PARD3: variants seen among roughly 807,000 people sequenced by gnomAD.
PARD3 encodes the protein partitioning defective 3 homolog.
A neutral mutation model predicts 155.4 loss-of-function variants in PARD3; 75 were observed. That is an observed-to-expected ratio of 0.48 (90% confidence interval 0.40 to 0.58). The LOEUF is 0.58. Ranked by LOEUF, PARD3 falls within the 20% of genes least tolerant of loss-of-function variation. The probability of loss-of-function intolerance (pLI) is 0.00; values close to 1 mark genes in which losing one functional copy is unlikely to be tolerated. For synonymous variants in PARD3, 576 were observed against 610.5 expected, an observed-to-expected ratio of 0.94 and a Z score of 0.83; for missense variants, 1,642 against 1,721.7, an observed-to-expected ratio of 0.95 and a Z score of 0.82.
chr10:34,480,634 C>T (rs148208086), intron 3 of PARD3, among the ~76,000 whole-genome samples: 299 of 152,190 alleles, frequency 2.0e-3, no homozygotes, highest in African/African-American at 6.6e-3. Context: ...GACACACACC[C>T]CAACAAAGTA....
At chr10:34,799,110 C>T (rs1842609454) in intron 1 of PARD3, among the ~76,000 whole-genome samples, 1 of 152,184 alleles carries the variant, frequency 6.6e-6, no homozygotes, top group Non-Finnish European at 1.5e-5. Context: ...GGCGCAATCT[C>T]GGCTCACTGC....
At chr10:34,419,346 G>A (rs989716202) in intron 5 of PARD3, among the ~76,000 whole-genome samples, 9 of 151,836 alleles carry the variant, frequency 5.9e-5, no homozygotes, top group Non-Finnish European at 1.2e-4. Flanking sequence ...GTGAAACCCC[G>A]CCTCTACTAA....
At chr10:34,389,447 A>G (rs1293270928) in intron 7 of PARD3, among the ~76,000 whole-genome samples, 1 of 152,192 alleles carries the variant, frequency 6.6e-6, no homozygotes, top group Non-Finnish European at 1.5e-5. Flanking sequence ...CACACATGTT[A>G]ACATTTTCAA....
chr10:34,269,127 T>G (rs1224612410), intron 22 of PARD3, among the ~76,000 whole-genome samples: 2 of 152,192 alleles, frequency 1.3e-5, no homozygotes. Context: ...TGTGCTACAC[T>G]GATATACATA....
At chr10:34,493,496 C>T (rs1356331399) in intron 3 of PARD3, among the ~76,000 whole-genome samples, 2 of 152,098 alleles carry the variant, frequency 1.3e-5, no homozygotes, top group African/African-American at 4.8e-5. Context: ...TTTTGGGAGG[C>T]CACGGCAGGC....
intron 20 of PARD3, among the ~76,000 whole-genome samples, chr10:34,304,866 A>T (rs1304279482): frequency 6.6e-6 from 1 of 152,248 alleles, no homozygotes; most frequent in Non-Finnish European, 1.5e-5. Context: ...TACATGAGAA[A>T]TAGCTTATTG....
chr10:34,722,551 T>C (rs2094625400), intron 1 of PARD3, among the ~76,000 whole-genome samples: 1 of 152,172 alleles, frequency 6.6e-6, no homozygotes, highest in Non-Finnish European at 1.5e-5. Context: ...TCAGGCTTGA[T>C]GTTCAGCACG....
At chr10:34,140,608 T>C (rs1294361285) in intron 22 of PARD3, among the ~76,000 whole-genome samples, 1 of 152,154 alleles carries the variant, frequency 6.6e-6, no homozygotes, top group Non-Finnish European at 1.5e-5. Context: ...CTGGAAGACT[T>C]ATGAGGAATG....
At chr10:34,456,399 C>T (rs1429292969) in intron 4 of PARD3, among the ~76,000 whole-genome samples, 1 of 152,072 alleles carries the variant, frequency 6.6e-6, no homozygotes, top group African/African-American at 2.4e-5. Flanking sequence ...CTGGTTCAAA[C>T]GATTCTCCTG....
chr10:34,382,203 T>A (rs555184918), intron 9 of PARD3, among the ~76,000 whole-genome samples: 10 of 152,164 alleles, frequency 6.6e-5, no homozygotes, highest in Non-Finnish European at 1.3e-4. Context: ...TTGTTCTGCA[T>A]TTGATATTAA....
At chr10:34,776,551 A>ATT (rs753285825) in intron 1 of PARD3, among the ~76,000 whole-genome samples, 3,982 of 142,928 alleles carry the variant, frequency 0.028, 191 homozygotes, top group African/African-American at 0.095. Flanking sequence ...TTCTTGAACA[A>ATT]TTTTTTTTTT....
intron 20 of PARD3, among the ~76,000 whole-genome samples, chr10:34,301,830 T>TC (rs1957167813): frequency 6.9e-6 from 1 of 145,168 alleles, no homozygotes; most frequent in Non-Finnish European, 1.5e-5. Flanking sequence ...TTTTTTTTTT[T>TC]TTTTTTTTAA....
At chr10:34,293,313 G>A (rs980576738) in intron 20 of PARD3, among the ~76,000 whole-genome samples, 20 of 151,998 alleles carry the variant, frequency 1.3e-4, no homozygotes, top group Admixed American at 2.6e-4. Context: ...TTCCCTCTTT[G>A]CAAAAGATAT....
In PARD3 at chr10:34,303,925, G is replaced by A. The variant is rs563190332; in HGVS notation, c.3065+13182C>T. Among the ~76,000 whole-genome samples, 162 of 152,280 alleles carry A rather than the reference G, an allele frequency of 1.1e-3. 1 individual carries two copies. Among genetic ancestry groups the A allele is most frequent in the African/African-American group, 3.7e-3 (154 of 41,556 alleles). On this transcript the variant is annotated intron_variant, in intron 20 of 24. Transcript: ENST00000374788. ...TTGTTTTGATAGGGAAAAATCAGAG[G>A]CAGCAATGGTGGAGCAAGATAGAGG...
At chr10:34,739,167 A>G (rs2094964613) in intron 1 of PARD3, among the ~76,000 whole-genome samples, 1 of 152,170 alleles carries the variant, frequency 6.6e-6, no homozygotes, top group Non-Finnish European at 1.5e-5. Context: ...GGATCCTGGC[A>G]TAGAAAGAGG....
chr10:34,790,766 T>C (rs1841528058), intron 1 of PARD3, among the ~76,000 whole-genome samples: 1 of 152,206 alleles, frequency 6.6e-6, no homozygotes, highest in Non-Finnish European at 1.5e-5. Flanking sequence ...TACTAAGTCA[T>C]ACAAAAACTG....
chr10:34,209,292 T>C (rs1222163278), intron 22 of PARD3, among the ~76,000 whole-genome samples: 1 of 152,170 alleles, frequency 6.6e-6, no homozygotes, highest in Non-Finnish European at 1.5e-5. Flanking sequence ...AATATGTAGT[T>C]GGAGGTTGAT....
At chr10:34,744,766 A>G (rs1312219121) in intron 1 of PARD3, among the ~76,000 whole-genome samples, 3 of 152,256 alleles carry the variant, frequency 2.0e-5, no homozygotes, top group Non-Finnish European at 1.5e-5. Flanking sequence ...AAACTGATGC[A>G]CAAAAATCCA....
At chr10:34,539,171 G>C (rs2083427318) in intron 2 of PARD3, among the ~76,000 whole-genome samples, 2 of 152,098 alleles carry the variant, frequency 1.3e-5, no homozygotes, top group Non-Finnish European at 1.5e-5. Context: ...CCTAAAATCT[G>C]AACAACTCAG....
Sources: allele counts gnomAD v4.1 joint callset (sites outside exome capture counted in the v4.1 genomes callset), GRCh38; gene constraint gnomAD v4.1.1; transcripts MANE v1.5; gene names NCBI Gene and HGNC (gene_info 2026-07-23, HGNC 2026-07-21).